The following PTPRG variants were observed in gnomAD, a reference collection of about 807,000 sequenced individuals.
The protein encoded by PTPRG is protein tyrosine phosphatase receptor type G, also known as receptor-type tyrosine-protein phosphatase gamma.
PTPRG carries 102 observed loss-of-function variants against 165.3 expected under a neutral mutation model. The ratio of observed to expected loss-of-function variants is 0.62; its 90% confidence interval spans 0.53 to 0.73. The LOEUF is 0.73. Ranked by LOEUF, PTPRG falls within the 30% of genes least tolerant of loss-of-function variation. PTPRG has a pLI of 0.00. For missense variants in PTPRG, 1,866 were observed against 1,861.4 expected (o/e 1.00, Z -0.05); for synonymous variants, 675 against 669.5 (o/e 1.01, Z -0.13).
At chr3:61,914,117 C>CTACA (rs2038872256) in intron 2 of PTPRG, among the ~76,000 whole-genome samples, 1 of 152,188 alleles carries the variant, frequency 6.6e-6, no homozygotes, top group Non-Finnish European at 1.5e-5. Context: ...TTCCTCTCAT[C>CTACA]TACAGTTCAG....
chr3:62,013,534 G>A (rs6800986), intron 4 of PTPRG, among the ~76,000 whole-genome samples: 66,738 of 152,086 alleles, frequency 0.44, 15,150 homozygotes, highest in East Asian at 0.6. Flanking sequence ...ATTGTATGCA[G>A]TATTCAGGAT....
chr3:61,828,624 G>A (rs1025422260), intron 2 of PTPRG, among the ~76,000 whole-genome samples: 1 of 152,218 alleles, frequency 6.6e-6, no homozygotes, highest in African/African-American at 2.4e-5. Flanking sequence ...AGGAAGTGCT[G>A]TGTGAACCCA....
chr3:62,166,197 CTTTTTTTTTTTTTTTTT>C lies in PTPRG; in HGVS notation c.841-1754_841-1738del, dbSNP rs564761041. ...TGGCTGCATATTTCAAATTACAGTT[CTTTTTTTTTTTTTTTTT>C]TTTTTTTTTTTTTTTTTTTGGTGAC... On this transcript the variant is annotated intron_variant, in intron 7 of 29. Coordinates refer to ENST00000474889, the MANE Select transcript of PTPRG (RefSeq NM_002841.4). Among the ~76,000 whole-genome samples the C allele has an allele frequency of 5.0e-3, 272 of 53,940 alleles. 1 individual carries two copies. The highest frequency in any genetic ancestry group is 0.016 in the East Asian group (22 of 1,358). The allele number at this position is 53,940 out of a possible 152,430, so 35.4% of individuals were successfully genotyped here.
chr3:61,862,334 C>G (rs1443534707), intron 2 of PTPRG, among the ~76,000 whole-genome samples: 8 of 151,638 alleles, frequency 5.3e-5, no homozygotes, highest in African/African-American at 1.7e-4. Context: ...GGCCAAGGAA[C>G]CATAACTAGT....
At chr3:62,216,536 A>AT (rs201961243) in intron 12 of PTPRG, among the ~76,000 whole-genome samples, 1,631 of 151,682 alleles carry the variant, frequency 0.011, 37 homozygotes, top group African/African-American at 0.038. Flanking sequence ...GGTCTTTGAG[A>AT]TTCCCCCCCC....
chr3:62,005,521 T>C (rs2041275651), intron 4 of PTPRG, among the ~76,000 whole-genome samples: 1 of 152,066 alleles, frequency 6.6e-6, no homozygotes, highest in Non-Finnish European at 1.5e-5. Context: ...ACAAAAGACC[T>C]GTCCTGAAAG....
At chr3:61,655,624 G>A (rs980981660) in intron 1 of PTPRG, among the ~76,000 whole-genome samples, 2 of 152,188 alleles carry the variant, frequency 1.3e-5, no homozygotes, top group Middle Eastern at 6.8e-3. Flanking sequence ...TAGAAACAGG[G>A]TCTTACTTTG....
At chr3:62,204,494 A>G (rs1027337655) in intron 12 of PTPRG, among the ~76,000 whole-genome samples, 4 of 152,190 alleles carry the variant, frequency 2.6e-5, no homozygotes, top group African/African-American at 9.7e-5. Context: ...TCGGCAAGCT[A>G]GATGGTTAAC....
At chr3:61,627,052 C>T (rs934263494) in intron 1 of PTPRG, among the ~76,000 whole-genome samples, 3 of 152,004 alleles carry the variant, frequency 2.0e-5, no homozygotes, top group African/African-American at 7.3e-5. Context: ...GACCTGTCAC[C>T]CAAATGCAGT....
Position 62,075,356 on chromosome 3 carries a change from C to A in PTPRG, c.520-2807C>A, listed in dbSNP as rs545710124. Among the ~76,000 whole-genome samples, 221 of 152,246 alleles carry A rather than the reference C, an allele frequency of 1.5e-3. 2 individuals carry two copies. The highest frequency in any genetic ancestry group is 5.1e-3 in the African/African-American group (210 of 41,532). Reference sequence around the variant, plus strand: ...GAATACACCTGTGTTAAGTTTCTTTCTTGGGTTAGTAGTATTGTATCCAAA... The same window carrying A: ...GAATACACCTGTGTTAAGTTTCTTTATTGGGTTAGTAGTATTGTATCCAAA... On this transcript the variant is annotated intron_variant, in intron 4 of 29. Coordinates refer to ENST00000474889, the MANE Select transcript of PTPRG (RefSeq NM_002841.4).
intron 2 of PTPRG, among the ~76,000 whole-genome samples, chr3:61,977,530 T>G (rs969364375): frequency 3.9e-5 from 6 of 152,218 alleles, no homozygotes; most frequent in Admixed American, 6.5e-5. Context: ...TTACTGGTTT[T>G]GATTTGTATT....
chr3:61,906,398 G>A (rs562376064), intron 2 of PTPRG, among the ~76,000 whole-genome samples: 1 of 151,740 alleles, frequency 6.6e-6, no homozygotes, highest in East Asian at 1.9e-4. Context: ...GGAGGTTTCA[G>A]TGAGCCGAGA....
At chr3:61,610,171 A>G (rs969234236) in intron 1 of PTPRG, among the ~76,000 whole-genome samples, 2 of 151,530 alleles carry the variant, frequency 1.3e-5, no homozygotes, top group African/African-American at 4.9e-5. Context: ...AAATGAGAGC[A>G]ATTATAGTAC....
At chr3:62,223,270 A>AC (rs1357482227) in intron 13 of PTPRG, among the ~76,000 whole-genome samples, 1 of 152,148 alleles carries the variant, frequency 6.6e-6, no homozygotes, top group East Asian at 1.9e-4. Context: ...AGACTGTAAC[A>AC]CGGGCCTATA....
At chr3:62,146,083 A>G (rs1244497250) in intron 6 of PTPRG, among the ~76,000 whole-genome samples, 5 of 152,232 alleles carry the variant, frequency 3.3e-5, no homozygotes, top group African/African-American at 4.8e-5. Context: ...AAGGCAATCA[A>G]TGAAACTGTT....
rs750792096 is a variant in PTPRG, at chr3:62,281,688, C to T, written c.3891C>T (p.Asp1297=). 1.2e-6 allele frequency: 2 copies of T among 1,611,558 alleles called. No individual in the cohort carries two copies. Among genetic ancestry groups the T allele is most frequent in the Non-Finnish European group, 1.7e-6 (2 of 1,178,674 alleles). ...ATGAAGAACAAATTATCATCCATGA[C>T]TTTATCCTTGAAGCTACACAGGTAA... ...LSNEEQIIIH[D]FILEATQDDY... is the part of the protein sequence containing the mutation. Residue 1297 remains aspartate (D), a synonymous_variant, in exon 27 of 30, where the codon GAC becomes GAT. Coordinates refer to ENST00000474889, the MANE Select transcript of PTPRG (RefSeq NM_002841.4).
chr3:61,659,853 G>A (rs1294766275), intron 1 of PTPRG, among the ~76,000 whole-genome samples: 8 of 152,094 alleles, frequency 5.3e-5, no homozygotes, highest in African/African-American at 1.4e-4. Context: ...AGAAATGAAT[G>A]GTTTTTTTTA....
Position 62,273,725 on chromosome 3 carries a change from T to A in PTPRG, c.3346T>A (p.Leu1116Met). 1 of 1,613,758 alleles carries A rather than the reference T, an allele frequency of 6.2e-7. No individual in the cohort carries two copies. The highest frequency in any genetic ancestry group is 8.5e-7 in the Non-Finnish European group (1 of 1,179,724). ...EEQYIFIHDA[L>M]LEAILGKETE... ...GCAGTACATTTTCATCCATGATGCC[T>A]TGTTGGAAGCCATTCTTGGAAAGGA... Residue 1116 changes from leucine (L) to methionine (M), a missense_variant, in exon 23 of 30, where the codon TTG (leucine) becomes ATG (methionine). Around this residue, in one of 3 missense-constraint regions of PTPRG, gnomAD observed 1,452 missense variants for 1,463.0 expected, o/e 0.99. Transcript: ENST00000474889. The surrounding 1 kb of genome is among the most constrained non-coding windows in gnomAD (Gnocchi z 4.1).
chr3:62,074,178 A>AGTGT (rs777598058), intron 4 of PTPRG, among the ~76,000 whole-genome samples: 682 of 64,988 alleles, frequency 0.01, 2 homozygotes, highest in African/African-American at 0.019. Context: ...AAAAAAAGTG[A>AGTGT]GAGTGTGTGT....
Sources: allele counts gnomAD v4.1 joint callset (sites outside exome capture counted in the v4.1 genomes callset), GRCh38; gene constraint gnomAD v4.1.1; regional missense constraint gnomAD v4.1.1; non-coding constraint Gnocchi (gnomAD v3.1); transcripts MANE v1.5; gene names NCBI Gene and HGNC (gene_info 2026-07-23, HGNC 2026-07-21).